Variants in PYCARD observed in about 807,000 individuals in gnomAD.
PYCARD encodes apoptosis-associated speck-like protein containing a CARD.
A neutral mutation model predicts 10.0 loss-of-function variants in PYCARD; 10 were observed. That is an observed-to-expected ratio of 1.00 (90% CI 0.62 to 1.69). The LOEUF (loss-of-function observed/expected upper bound fraction) is 1.69, where lower values mean the gene tolerates loss of function less well. PYCARD is among the 40% of genes most tolerant of loss of function. The pLI is 0.00. For missense variants in PYCARD, 239 were observed against 260.2 expected (o/e 0.92, Z 0.56); for synonymous variants, 121 against 122.3 (o/e 0.99, Z 0.07).
Position 31,202,597 on chromosome 16 carries a change from G to A in PYCARD, c.94C>T (p.Leu32=). 6.2e-7 allele frequency: 1 copy of A among 1,613,012 alleles called. No homozygotes were observed. The highest frequency in any genetic ancestry group is 8.5e-7 in the Non-Finnish European group (1 of 1,179,714). ...KFKLKLLSVP[L]REGYGRIPRG... The stretch of plus-strand genomic sequence containing the variant: ...GGGATGCGCCCGTAGCCCTCGCGCA[G>A]CGGCACCGACAGCAGCTTCAGCTTG... The change falls in exon 1 of 3, where the codon CTG becomes TTG. Residue 32 remains leucine, a synonymous_variant. Transcript: ENST00000247470. This position sits in a 1 kb window ranked among gnomAD's most constrained non-coding sequence, Gnocchi z 4.5.
chr16:31,202,295 T>G lies in PYCARD; in HGVS notation c.275-92A>C, dbSNP rs771072107. 1 of 1,550,866 alleles carries G rather than the reference T, an allele frequency of 6.4e-7. No homozygotes were observed. The highest frequency in any genetic ancestry group is 8.7e-7 in the Non-Finnish European group (1 of 1,154,082). The stretch of plus-strand genomic sequence containing the variant: ...GTCGGTAGGCCAAGCGTGGGGAGCC[T>G]CCTTTCCGGTAGAGCAGCTTTGTTT... On this transcript the variant is annotated intron_variant, in intron 1 of 2. Coordinates refer to ENST00000247470, the MANE Select transcript of PYCARD (RefSeq NM_013258.5). This position sits in a 1 kb window ranked among gnomAD's most constrained non-coding sequence, Gnocchi z 4.5.
Position 31,202,135 on chromosome 16 carries a change from T to C in PYCARD, c.331+12A>G. ...GAGTGCGGTGGGGCCGGGCTGGGTG[T>C]GGAGGCCTCACCTGGCTTGGCTGCC... On this transcript the variant is annotated intron_variant, in intron 2 of 2. Transcript: ENST00000247470. The surrounding 1 kb of genome is among the most constrained non-coding windows in gnomAD (Gnocchi z 4.5). 6.2e-7 allele frequency: 1 copy of C among 1,606,084 alleles called. No homozygotes were observed. Among genetic ancestry groups the C allele is most frequent in the Non-Finnish European group, 8.5e-7 (1 of 1,178,898 alleles).
Position 31,202,341 on chromosome 16 carries a change from G to A in PYCARD, c.274+76C>T. 3 of 1,533,472 alleles carry A rather than the reference G, an allele frequency of 2.0e-6. No homozygotes were observed. The highest frequency in any genetic ancestry group is 1.2e-5 in the South Asian group (1 of 84,060). The allele number at this position is 1,533,472 out of a possible 1,614,324, so 95.0% of individuals were successfully genotyped here. On this transcript the variant is annotated intron_variant, in intron 1 of 2. Transcript: ENST00000247470. The surrounding 1 kb of genome is among the most constrained non-coding windows in gnomAD (Gnocchi z 4.5). ...TGTTTAGGGGTAGGAGGAACAGAAAGCGGAAGAGCCCGCGGGGTAAGCGCT... is the reference window on the plus strand; with the variant it reads ...TGTTTAGGGGTAGGAGGAACAGAAAACGGAAGAGCCCGCGGGGTAAGCGCT...
chr16:31,202,715 C>G lies in PYCARD; in HGVS notation c.-25G>C. The stretch of plus-strand genomic sequence containing the variant: ...TGGCTCCAGGATCCCCGGCCGCTGC[C>G]GCCGCTCACCCCGCTGCAGCCGCCG... On this transcript the variant is annotated 5_prime_UTR_variant, in exon 1 of 3. Transcript: ENST00000247470. The surrounding 1 kb of genome is among the most constrained non-coding windows in gnomAD (Gnocchi z 4.5). 6.6e-7 allele frequency: 1 copy of G among 1,525,428 alleles called. No homozygotes were observed. Among genetic ancestry groups the G allele is most frequent in the Non-Finnish European group, 8.8e-7 (1 of 1,139,182 alleles). The allele number at this position is 1,525,428 out of a possible 1,614,324, so 94.5% of individuals were successfully genotyped here. A position where few individuals can be genotyped will look rare whatever the true frequency, so the allele number is the denominator to read the frequency against.
chr16:31,202,176 T>C lies in PYCARD; in HGVS notation c.302A>G (p.Gln101Arg), dbSNP rs748426981. The change falls in exon 2 of 3, where the codon CAG becomes CGG. Residue 101 changes from glutamine to arginine, a missense_variant. Transcript: ENST00000247470. This position sits in a 1 kb window ranked among gnomAD's most constrained non-coding sequence, Gnocchi z 4.5. The stretch of plus-strand genomic sequence containing the variant: ...CTTGGCTGCCGACTGAGGAGGGGCC[T>C]GGATCCCAGCTGGCGCGGCTCCAGA... ...QGSGAAPAGIQAPPQSAAKPG... is the reference protein window; with the variant it reads ...QGSGAAPAGIRAPPQSAAKPG... 1.9e-5 allele frequency: 31 copies of C among 1,606,536 alleles called. No individual in the cohort carries two copies. In the Admixed American group the frequency reaches 3.2e-4, roughly 16 times the overall value.
rs1315038165 is a variant in PYCARD, at chr16:31,202,344, G to T, written c.274+73C>A. ...TTAGGGGTAGGAGGAACAGAAAGCGGAAGAGCCCGCGGGGTAAGCGCTGGT... is the reference window on the plus strand; with the variant it reads ...TTAGGGGTAGGAGGAACAGAAAGCGTAAGAGCCCGCGGGGTAAGCGCTGGT... On this transcript the variant is annotated intron_variant, in intron 1 of 2. Transcript: ENST00000247470. The surrounding 1 kb of genome is among the most constrained non-coding windows in gnomAD (Gnocchi z 4.5). 5 of 1,530,524 alleles carry T rather than the reference G, an allele frequency of 3.3e-6. No individual in the cohort carries two copies. The highest frequency in any genetic ancestry group is 3.4e-4 in the Middle Eastern group (2 of 5,970). 94.8% of individuals were successfully genotyped at this position (1,530,524 alleles called of 1,614,324 possible).
At position 31,202,125 on chromosome 16, in the gene PYCARD, G is replaced by T; in HGVS notation, c.331+22C>A. 6.2e-7 allele frequency: 1 copy of T among 1,603,462 alleles called. No homozygotes were observed. The highest frequency in any genetic ancestry group is 1.1e-5 in the South Asian group (1 of 90,402). ...GGCTGTGCAGGAGTGCGGTGGGGCC[G>T]GGCTGGGTGTGGAGGCCTCACCTGG... is the stretch of plus-strand genomic sequence containing the variant. On this transcript the variant is annotated intron_variant, in intron 2 of 2. Transcript: ENST00000247470. This position sits in a 1 kb window ranked among gnomAD's most constrained non-coding sequence, Gnocchi z 4.5.
At position 31,201,651 on chromosome 16, in the gene PYCARD, C is replaced by G; in HGVS notation, c.522G>C (p.Lys174Asn). The G allele has an allele frequency of 6.2e-7, 1 of 1,614,240 alleles. No homozygotes were observed. The highest frequency in any genetic ancestry group is 8.5e-7 in the Non-Finnish European group (1 of 1,180,038). ...SFTPAWNWTC[K>N]DLLLQALRES... The stretch of plus-strand genomic sequence containing the variant: ...CCCTTAGGGCCTGGAGGAGCAAGTC[C>G]TTGCAGGTCCAGTTCCAGGCTGGTG... Residue 174 changes from lysine to asparagine, a missense_variant, in exon 3 of 3, where the codon AAG becomes AAC. Lys to Asn is a moderately conservative substitution (Grantham distance 94). Transcript: ENST00000247470.
Position 31,202,666 on chromosome 16 carries a change from G to A in PYCARD, c.25C>T (p.Leu9=), listed in dbSNP as rs1444542223. MGRARDAI[L]DALENLTAEE... is the part of the protein sequence containing the mutation. ...GCGGTCAGGTTCTCCAGCGCATCCA[G>A]GATGGCGTCGCGCGCGCGCCCCATG... Residue 9 remains leucine, a synonymous_variant, in exon 1 of 3, where the codon CTG becomes TTG. Coordinates refer to ENST00000247470, the MANE Select transcript of PYCARD (RefSeq NM_013258.5). This position sits in a 1 kb window ranked among gnomAD's most constrained non-coding sequence, Gnocchi z 4.5. The A allele has an allele frequency of 1.3e-6, 2 of 1,592,768 alleles. No homozygotes were observed. The highest frequency in any genetic ancestry group is 2.3e-5 in the East Asian group (1 of 44,310).
Position 31,202,051 on chromosome 16 carries a change from C to A in PYCARD, c.331+96G>T. 6.7e-7 allele frequency: 1 copy of A among 1,501,016 alleles called. No individual in the cohort carries two copies. The highest frequency in any genetic ancestry group is 8.9e-7 in the Non-Finnish European group (1 of 1,123,776). 93.0% of individuals were successfully genotyped at this position (1,501,016 alleles called of 1,614,324 possible). A position where few individuals can be genotyped will look rare whatever the true frequency, so the allele number is the denominator to read the frequency against. ...GGGTGGGGTGCGCAGGGTTGCCAAG[C>A]CGTGCCTGCCCTGCCCTGCCCTGCC... On this transcript the variant is annotated intron_variant, in intron 2 of 2. Transcript: ENST00000247470. This position sits in a 1 kb window ranked among gnomAD's most constrained non-coding sequence, Gnocchi z 4.5.
At position 31,202,267 on chromosome 16, in the gene PYCARD, T is replaced by C; in HGVS notation, c.275-64A>G. 1.3e-6 allele frequency: 2 copies of C among 1,579,880 alleles called. No homozygotes were observed. Among genetic ancestry groups the C allele is most frequent in the Non-Finnish European group, 8.5e-7 (1 of 1,170,148 alleles). The stretch of plus-strand genomic sequence containing the variant: ...TTCCCGCCGTGGGGCCGGGGTCCCG[T>C]TGGTCGGTAGGCCAAGCGTGGGGAG... On this transcript the variant is annotated intron_variant, in intron 1 of 2. Transcript: ENST00000247470. This position sits in a 1 kb window ranked among gnomAD's most constrained non-coding sequence, Gnocchi z 4.5.
chr16:31,202,699 G>C lies in PYCARD; in HGVS notation c.-9C>G. On this transcript the variant is annotated 5_prime_UTR_variant, in exon 1 of 3. It adds an upstream start codon to the 5' untranslated region. Transcript: ENST00000247470. The surrounding 1 kb of genome is among the most constrained non-coding windows in gnomAD (Gnocchi z 4.5). ...TCGCGCGCGCGCCCCATGGCTCCAG[G>C]ATCCCCGGCCGCTGCCGCCGCTCAC... is the stretch of plus-strand genomic sequence containing the variant. 2.6e-6 allele frequency: 4 copies of C among 1,542,220 alleles called. No individual in the cohort carries two copies. Among genetic ancestry groups the C allele is most frequent in the Non-Finnish European group, 3.5e-6 (4 of 1,145,690 alleles).
Position 31,202,620 on chromosome 16 carries a change from T to G in PYCARD, c.71A>C (p.Lys24Thr). ...NLTAEELKKF[K>T]LKLLSVPLRE... ...CAGCGGCACCGACAGCAGCTTCAGC[T>G]TGAACTTCTTGAGCTCCTCGGCGGT... The change falls in exon 1 of 3, where the codon AAG (lysine) becomes ACG (threonine). Residue 24 changes from lysine to threonine, a missense_variant. Transcript: ENST00000247470. This position sits in a 1 kb window ranked among gnomAD's most constrained non-coding sequence, Gnocchi z 4.5. 1 of 1,612,522 alleles carries G rather than the reference T, an allele frequency of 6.2e-7. No individual in the cohort carries two copies. The highest frequency in any genetic ancestry group is 8.5e-7 in the Non-Finnish European group (1 of 1,179,500).
chr16:31,202,484 G>T lies in PYCARD; in HGVS notation c.207C>A (p.Thr69=). 5 of 1,592,766 alleles carry T rather than the reference G, an allele frequency of 3.1e-6. No homozygotes were observed. The highest frequency in any genetic ancestry group is 3.4e-6 in the Non-Finnish European group (4 of 1,170,776). Residue 69 remains threonine (T), a synonymous_variant, in exon 1 of 3, where the codon ACC becomes ACA. Transcript: ENST00000247470. The surrounding 1 kb of genome is among the most constrained non-coding windows in gnomAD (Gnocchi z 4.5). ...FYLETYGAEL[T]ANVLRDMGLQ... ...GGCCCATGTCGCGCAGCACGTTAGC[G>T]GTGAGCTCGGCGCCGTAGGTCTCCA...
In PYCARD at chr16:31,201,742, T is replaced by A. The variant is rs200371118; in HGVS notation, c.431A>T (p.Glu144Val). The A allele has an allele frequency of 1.2e-6, 2 of 1,614,210 alleles. No homozygotes were observed. The highest frequency in any genetic ancestry group is 1.7e-6 in the Non-Finnish European group (2 of 1,180,040). ...CTCGGCCCGCACTGCCTGGTACTGC[T>A]CATCCGTCAGGACCTTCCCGTACAG... Reference protein sequence around the residue: ...DALYGKVLTDEQYQAVRAEPT... With the variant: ...DALYGKVLTDVQYQAVRAEPT... The change falls in exon 3 of 3, where the codon GAG (glutamate) becomes GTG (valine). Residue 144 changes from glutamate to valine, a missense_variant. Transcript: ENST00000247470.
At chr16:31,201,978 G>C in intron 2 of PYCARD, 137 bp from the exon 3 acceptor site, 2 of 1,463,512 alleles carry the variant, frequency 1.4e-6, no homozygotes, top group Admixed American at 4.2e-5. Context: ...CACATGCAGT[G>C]GGATGAGGGT....
In PYCARD at chr16:31,202,030, G is replaced by A; in HGVS notation, c.331+117C>T. 3 of 1,460,586 alleles carry A rather than the reference G, an allele frequency of 2.1e-6. No individual in the cohort carries two copies. The highest frequency in any genetic ancestry group is 2.7e-6 in the Non-Finnish European group (3 of 1,094,342). The allele number at this position is 1,460,586 out of a possible 1,614,324, so 90.5% of individuals were successfully genotyped here. A position where few individuals can be genotyped will look rare whatever the true frequency, so the allele number is the denominator to read the frequency against. On this transcript the variant is annotated intron_variant, in intron 2 of 2. Transcript: ENST00000247470. The surrounding 1 kb of genome is among the most constrained non-coding windows in gnomAD (Gnocchi z 4.5). ...CCCCGCAGGGTGTGGGTTGGTGGGT[G>A]GGGTGCGCAGGGTTGCCAAGCCGTG...
At position 31,201,847 on chromosome 16, in the gene PYCARD, G is replaced by T. The variant is rs367827663; in HGVS notation, c.332-6C>A. On this transcript the variant is annotated splice_region_variant and splice_polypyrimidine_tract_variant and intron_variant, in intron 2 of 2. Transcript: ENST00000247470. ...CTGGTCTATAAAGTGCAGGCCTGGG[G>T]GTGGGAGGAGAACATGAGCCAGCAG... The T allele has an allele frequency of 1.4e-5, 22 of 1,612,928 alleles. 1 individual carries two copies. The African/African-American group carries it at 2.7e-4, about 20-fold the overall frequency.
chr16:31,202,135 TGGAGG>T lies in PYCARD; in HGVS notation c.331+7_331+11del. ...GAGTGCGGTGGGGCCGGGCTGGGTG[TGGAGG>T]CCTCACCTGGCTTGGCTGCCGACTG... On this transcript the variant is annotated splice_region_variant and intron_variant, in intron 2 of 2. Coordinates refer to ENST00000247470, the MANE Select transcript of PYCARD (RefSeq NM_013258.5). This position sits in a 1 kb window ranked among gnomAD's most constrained non-coding sequence, Gnocchi z 4.5. 1 of 1,606,084 alleles carries T rather than the reference TGGAGG, an allele frequency of 6.2e-7. No individual in the cohort carries two copies. Among genetic ancestry groups the T allele is most frequent in the Non-Finnish European group, 8.5e-7 (1 of 1,178,898 alleles).
Sources: gnomAD v4.1 joint callset for allele counts on GRCh38, gnomAD v4.1.1 for gene constraint, Gnocchi (gnomAD v3.1) non-coding constraint, MANE v1.5 for transcripts, NCBI Gene and HGNC (gene_info 2026-07-23, HGNC 2026-07-21) for gene names.